The following OPCML variants were observed in gnomAD, a reference collection of about 807,000 sequenced individuals.
The protein encoded by OPCML is opioid binding protein/cell adhesion molecule like.
OPCML carries 13 observed loss-of-function variants against 37.8 expected under a neutral mutation model. The observed-to-expected ratio is 0.34, with a 90% confidence interval of 0.22 to 0.55. The LOEUF (loss-of-function observed/expected upper bound fraction) is 0.55, where lower values mean the gene tolerates loss of function less well. OPCML is among the 20% of genes least tolerant of loss of function. OPCML has a pLI of 0.91. For missense variants in OPCML, 341 were observed against 435.6 expected (o/e 0.78, Z 1.93); for synonymous variants, 176 against 168.8 (o/e 1.04, Z -0.33).
At chr11:133,383,099 C>T (rs985594934) in intron 1 of OPCML, among the ~76,000 whole-genome samples, 7 of 152,030 alleles carry the variant, frequency 4.6e-5, no homozygotes, top group East Asian at 3.9e-4. Context: ...GTCACCCTGG[C>T]GACACACCTG....
intron 1 of OPCML, among the ~76,000 whole-genome samples, chr11:133,256,510 T>C (rs551567576): frequency 6.6e-6 from 1 of 152,248 alleles, no homozygotes; most frequent in African/African-American, 2.4e-5. Context: ...GAAAAAACAC[T>C]GTAGACTATG....
At chr11:132,450,233 A>G (rs970794325) in intron 4 of OPCML, among the ~76,000 whole-genome samples, 1 of 152,148 alleles carries the variant, frequency 6.6e-6, no homozygotes, top group South Asian at 2.1e-4. Flanking sequence ...CACCAGCCCA[A>G]ATTAGTTTAT....
chr11:132,831,399 T>C (rs2136278792), intron 2 of OPCML, among the ~76,000 whole-genome samples: 1 of 152,284 alleles, frequency 6.6e-6, no homozygotes, highest in African/African-American at 2.4e-5. Flanking sequence ...CCACAGGTGA[T>C]GAGGCACCCC....
chr11:132,676,588 A>G (rs1942710261), intron 2 of OPCML, among the ~76,000 whole-genome samples: 1 of 151,926 alleles, frequency 6.6e-6, no homozygotes, highest in Non-Finnish European at 1.5e-5. Context: ...CAACTCAAGA[A>G]CAACAAAAAA....
At chr11:132,457,601 A>G (rs751995658) in intron 4 of OPCML, among the ~76,000 whole-genome samples, 2 of 152,214 alleles carry the variant, frequency 1.3e-5, no homozygotes, top group Non-Finnish European at 2.9e-5. Flanking sequence ...CTGTGAAGAC[A>G]TGCCAAAGCA....
chr11:133,109,315 A>G (rs74617730), intron 1 of OPCML, among the ~76,000 whole-genome samples: 11,101 of 152,182 alleles, frequency 0.073, 1,358 homozygotes, highest in African/African-American at 0.26. Context: ...AGGACTCCAC[A>G]GCATGGAAGA....
intron 2 of OPCML, among the ~76,000 whole-genome samples, chr11:132,890,697 A>G (rs1943607442): frequency 6.7e-6 from 1 of 149,206 alleles, no homozygotes; most frequent in Non-Finnish European, 1.5e-5. Flanking sequence ...AAAAAAAAAA[A>G]TACAAAAAAA....
chr11:132,881,100 T>C lies in OPCML; in HGVS notation c.146+61826A>G, dbSNP rs182538339. 2.1e-3 allele frequency among the ~76,000 whole-genome samples: 317 copies of C among 152,318 alleles called. 1 individual carries two copies. Among genetic ancestry groups the C allele is most frequent in the African/African-American group, 7.2e-3 (299 of 41,570 alleles). On this transcript the variant is annotated intron_variant, in intron 2 of 7. Transcript: ENST00000524381. ...CCCACAGCACTCTGGGTGCCCCAAA[T>C]GCCACCATTTATTCTTTAGTTGGGA...
chr11:132,571,483 T>C (rs2096438313), intron 3 of OPCML, among the ~76,000 whole-genome samples: 1 of 152,194 alleles, frequency 6.6e-6, no homozygotes, highest in Non-Finnish European at 1.5e-5. Context: ...CTTTGATGAA[T>C]TTGACTACTC....
chr11:133,319,167 A>G (rs1028145692), intron 1 of OPCML, among the ~76,000 whole-genome samples: 1 of 152,244 alleles, frequency 6.6e-6, no homozygotes, highest in African/African-American at 2.4e-5. Flanking sequence ...TTCACCTAGG[A>G]TACCAATCAG....
chr11:133,123,893 AGGAAGTG>A (rs766382788), intron 1 of OPCML, among the ~76,000 whole-genome samples: 13 of 152,150 alleles, frequency 8.5e-5, no homozygotes, highest in Non-Finnish European at 1.6e-4. Flanking sequence ...AACCAGAAGG[AGGAAGTG>A]GGATATACTG....
intron 1 of OPCML, among the ~76,000 whole-genome samples, chr11:133,327,956 C>T (rs950499253): frequency 1.3e-5 from 2 of 152,102 alleles, no homozygotes; most frequent in African/African-American, 4.8e-5. Context: ...CTGCAGAGAA[C>T]ACTATACGGG....
intron 1 of OPCML, among the ~76,000 whole-genome samples, chr11:133,518,100 G>A (rs1948320919): frequency 6.6e-6 from 1 of 152,118 alleles, no homozygotes; most frequent in Admixed American, 6.5e-5. Context: ...AGTGTGGTGT[G>A]CATATGTATG....
At chr11:133,222,088 G>A (rs945607479) in intron 1 of OPCML, among the ~76,000 whole-genome samples, 3 of 152,150 alleles carry the variant, frequency 2.0e-5, no homozygotes, top group Non-Finnish European at 4.4e-5. Flanking sequence ...TCTATGCCCT[G>A]TAGTCACTGT....
At chr11:133,421,946 G>T (rs1945895660) in intron 1 of OPCML, 1 of 314,798 alleles carries the variant, frequency 3.2e-6, no homozygotes, top group Non-Finnish European at 4.6e-6. Flanking sequence ...TGCAGCAACA[G>T]ATACTAACAC....
At chr11:133,249,711 C>T (rs1201113852) in intron 1 of OPCML, among the ~76,000 whole-genome samples, 7 of 152,190 alleles carry the variant, frequency 4.6e-5, no homozygotes, top group Admixed American at 3.3e-4. Flanking sequence ...CCTCCACTGC[C>T]TGTGAAGATG....
At chr11:133,463,138 AT>A (rs1946895401) in intron 1 of OPCML, among the ~76,000 whole-genome samples, 8 of 149,772 alleles carry the variant, frequency 5.3e-5, no homozygotes, top group African/African-American at 9.8e-5. Context: ...AAAAAAAAAA[AT>A]CAAAAAAACC....
At chr11:133,183,423 C>T (rs1196037221) in intron 1 of OPCML, among the ~76,000 whole-genome samples, 2 of 152,170 alleles carry the variant, frequency 1.3e-5, no homozygotes, top group South Asian at 2.1e-4. Context: ...AAGAAGAAAA[C>T]ATTCCTGATG....
chr11:133,177,393 A>G lies in OPCML; in HGVS notation c.62-234383T>C, dbSNP rs541264164. 6.6e-6 allele frequency among the ~76,000 whole-genome samples: 1 copy of G among 152,338 alleles called. No homozygotes were observed. Among genetic ancestry groups the G allele is most frequent in the South Asian group, 2.1e-4 (1 of 4,830 alleles). ...AACCCTGAGGAAATCAGTAATCTTG[A>G]ACCACTAATGCTAATTTATGATTTT... On this transcript the variant is annotated intron_variant, in intron 1 of 7. Transcript: ENST00000524381. The surrounding 1 kb of genome is among the most constrained non-coding windows in gnomAD (Gnocchi z 5.0).
Sources: allele counts gnomAD v4.1 joint callset (sites outside exome capture counted in the v4.1 genomes callset), GRCh38; gene constraint gnomAD v4.1.1; non-coding constraint Gnocchi (gnomAD v3.1); transcripts MANE v1.5; gene names NCBI Gene and HGNC (gene_info 2026-07-23, HGNC 2026-07-21).